The following AFF3 variants were observed in gnomAD, a reference collection of about 807,000 sequenced individuals.
AFF3 encodes AF4/FMR2 family member 3.
A neutral mutation model predicts 129.7 loss-of-function variants in AFF3; 32 were observed. The observed-to-expected ratio is 0.25, with a 90% CI of 0.19 to 0.33. The LOEUF (loss-of-function observed/expected upper bound fraction) is 0.33. AFF3 is among the 10% of genes least tolerant of loss of function. AFF3 has a pLI of 1.00. For synonymous variants in AFF3, 644 were observed against 635.4 expected, an observed-to-expected ratio of 1.01 and a Z score of -0.20; for missense variants, 1,373 against 1,592.0, an observed-to-expected ratio of 0.86 and a Z score of 2.34.
At chr2:99,704,268 C>G (rs1677152424) in intron 11 of AFF3, among the ~76,000 whole-genome samples, 1 of 152,174 alleles carries the variant, frequency 6.6e-6, no homozygotes. Flanking sequence ...CATTTTCTTT[C>G]TGGTGGAGAA....
At chr2:99,886,251 A>T (rs1008236770) in intron 7 of AFF3, among the ~76,000 whole-genome samples, 11 of 152,142 alleles carry the variant, frequency 7.2e-5, no homozygotes, top group African/African-American at 2.7e-4. Flanking sequence ...AGGTCTGATC[A>T]CCATGTTCCA....
chr2:99,890,022 C>A (rs1418114259), intron 7 of AFF3, among the ~76,000 whole-genome samples: 1 of 152,194 alleles, frequency 6.6e-6, no homozygotes, highest in African/African-American at 2.4e-5. Flanking sequence ...AACACAGGTG[C>A]CCTTTTGCGT....
chr2:99,992,917 G>C (rs2104603382), intron 7 of AFF3, among the ~76,000 whole-genome samples: 1 of 152,330 alleles, frequency 6.6e-6, no homozygotes, highest in South Asian at 2.1e-4. Flanking sequence ...ATAGCCAGGT[G>C]ATCTCTGGCC....
intron 13 of AFF3, among the ~76,000 whole-genome samples, chr2:99,644,421 A>C (rs1403297984): frequency 6.6e-6 from 1 of 152,160 alleles, no homozygotes; most frequent in Non-Finnish European, 1.5e-5. Flanking sequence ...TGATTTATTC[A>C]TATAAAATTA....
At chr2:99,646,093 A>G (rs956806750) in intron 13 of AFF3, among the ~76,000 whole-genome samples, 4 of 152,212 alleles carry the variant, frequency 2.6e-5, no homozygotes, top group African/African-American at 9.6e-5. Flanking sequence ...CTGGCTTCCT[A>G]CAGTGTAAAC....
At chr2:99,961,647 A>G (rs144984755) in intron 7 of AFF3, among the ~76,000 whole-genome samples, 1,982 of 152,272 alleles carry the variant, frequency 0.013, 52 homozygotes, top group African/African-American at 0.045. Flanking sequence ...CTCCCTGCTA[A>G]GCACAATGAT....
At position 99,786,401 on chromosome 2, in the gene AFF3, T is replaced by C. The variant is rs77545582; in HGVS notation, c.922-34100A>G. On this transcript the variant is annotated intron_variant, in intron 8 of 24. Transcript: ENST00000672756. ...ATGTCAGTTGTGGCTATTGCAATGA[T>C]TAAAGATTAACACGGCCATAAAGCG... is the stretch of plus-strand genomic sequence containing the variant. Among the ~76,000 whole-genome samples the C allele has an allele frequency of 4.7e-4, 72 of 152,288 alleles. 1 individual carries two copies. The East Asian group carries it at 0.011, about 24-fold the overall frequency.
At chr2:99,557,065 C>T (rs1489467392) in intron 22 of AFF3, among the ~76,000 whole-genome samples, 1 of 151,944 alleles carries the variant, frequency 6.6e-6, no homozygotes, top group Non-Finnish European at 1.5e-5. Flanking sequence ...TAAATGTTCC[C>T]ATCACAAAAA....
chr2:100,088,078 A>T (rs1689588597), intron 4 of AFF3, among the ~76,000 whole-genome samples: 1 of 146,314 alleles, frequency 6.8e-6, no homozygotes, highest in Non-Finnish European at 1.5e-5. Context: ...CTCAACAGTG[A>T]ATGACAAAGC....
chr2:99,721,943 T>C (rs1197651923), intron 11 of AFF3, among the ~76,000 whole-genome samples: 2 of 152,246 alleles, frequency 1.3e-5, no homozygotes, highest in African/African-American at 4.8e-5. Flanking sequence ...TACAATTCAC[T>C]GAGGCTCTGT....
At chr2:99,614,445 G>A (rs541313824) in intron 13 of AFF3, among the ~76,000 whole-genome samples, 109 of 152,322 alleles carry the variant, frequency 7.2e-4, no homozygotes, top group African/African-American at 2.5e-3. Flanking sequence ...GTGAGGTGCT[G>A]AGGCCCAACT....
chr2:99,561,134 G>A (rs1449462273), intron 20 of AFF3, among the ~76,000 whole-genome samples: 3 of 152,204 alleles, frequency 2.0e-5, no homozygotes, highest in Non-Finnish European at 2.9e-5. Flanking sequence ...TCAGCTCAGC[G>A]ACTTATAAGT....
intron 8 of AFF3, among the ~76,000 whole-genome samples, chr2:99,809,246 G>A (rs1014467010): frequency 1.3e-5 from 2 of 152,236 alleles, no homozygotes; most frequent in Admixed American, 1.3e-4. Context: ...AATAGAAAAG[G>A]AAAGTGACAG....
At position 99,546,844 on chromosome 2, in the gene AFF3, G is replaced by A. The variant is rs928217573; in HGVS notation, c.*4630C>T. On this transcript the variant is annotated 3_prime_UTR_variant, in exon 25 of 25. Transcript: ENST00000672756. ...GACACTAAAGAATGACAAGCAAAGC[G>A]GCATCCCAGGGCTACTGGTTGAACA... 4.6e-5 allele frequency: 10 copies of A among 217,322 alleles called. No individual in the cohort carries two copies. The highest frequency in any genetic ancestry group is 2.3e-4 in the African/African-American group (10 of 44,344). The allele number at this position is 217,322 out of a possible 1,614,324, so 13.5% of individuals were successfully genotyped here. A position where few individuals can be genotyped will look rare whatever the true frequency, so the allele number is the denominator to read the frequency against.
chr2:99,553,315 G>A (rs1056799341), intron 24 of AFF3, among the ~76,000 whole-genome samples: 1 of 152,102 alleles, frequency 6.6e-6, no homozygotes, highest in African/African-American at 2.4e-5. Context: ...TGGGCTGCAT[G>A]TTATGTACTA....
At chr2:100,043,599 A>T (rs1332698317) in intron 4 of AFF3, among the ~76,000 whole-genome samples, 2 of 144,912 alleles carry the variant, frequency 1.4e-5, no homozygotes, top group African/African-American at 5.7e-5. Flanking sequence ...AGCTGCATTT[A>T]AAAAAAAAGT....
At chr2:99,712,177 G>C (rs900456264) in intron 11 of AFF3, among the ~76,000 whole-genome samples, 7 of 152,144 alleles carry the variant, frequency 4.6e-5, no homozygotes, top group African/African-American at 1.2e-4. Context: ...AAAATATTCT[G>C]GGTTGTCAGT....
intron 13 of AFF3, among the ~76,000 whole-genome samples, chr2:99,624,125 C>T (rs1682321612): frequency 6.6e-6 from 1 of 152,182 alleles, no homozygotes; most frequent in Non-Finnish European, 1.5e-5. Flanking sequence ...GCCCAAGCCA[C>T]AGCTACCTCC....
At chr2:100,076,692 C>A (rs1688615489) in intron 4 of AFF3, among the ~76,000 whole-genome samples, 7 of 152,084 alleles carry the variant, frequency 4.6e-5, no homozygotes, top group Admixed American at 3.9e-4. Flanking sequence ...TCCCCTTTTT[C>A]CTTTTAATAA....
Sources: gnomAD v4.1 joint callset for allele counts (sites outside exome capture counted in the v4.1 genomes callset) on GRCh38, gnomAD v4.1.1 for gene constraint, MANE v1.5 for transcripts, NCBI Gene and HGNC (gene_info 2026-07-23, HGNC 2026-07-21) for gene names.